The following NR2F1-AS1 variants were observed in gnomAD, a reference collection of about 807,000 sequenced individuals.
NR2F1-AS1 encodes NR2F1 antisense RNA 1.
At chr5:93,569,556 T>C (rs1752696029) in intron 1 of NR2F1-AS1, among the ~76,000 whole-genome samples, 1 of 152,186 alleles carries the variant, frequency 6.6e-6, no homozygotes, top group Non-Finnish European at 1.5e-5. Flanking sequence ...GTGAACCTAA[T>C]TGCTTCAAGC....
Position 93,444,484 on chromosome 5 carries a change from C to T in NR2F1-AS1, n.639-48942G>A, listed in dbSNP as rs148307918. 1.8e-3 allele frequency among the ~76,000 whole-genome samples: 275 copies of T among 152,258 alleles called. 1 individual carries two copies. The highest frequency in any genetic ancestry group is 5.5e-3 in the African/African-American group (227 of 41,552). ...TTATATAATTGTAAAGGGATCAATT[C>T]GACAAGAAGCGCTAACTATCCTAAA... On this transcript the variant is annotated intron_variant and non_coding_transcript_variant, in intron 4 of 5. Transcript: ENST00000660523.
intron 4 of NR2F1-AS1, among the ~76,000 whole-genome samples, chr5:93,448,073 T>G (rs1292076730): frequency 6.6e-6 from 1 of 151,996 alleles, no homozygotes; most frequent in Non-Finnish European, 1.5e-5. Context: ...GGGGGAGGGA[T>G]AGCATTAGGA....
chr5:93,455,611 T>C (rs1749927947), intron 4 of NR2F1-AS1, among the ~76,000 whole-genome samples: 1 of 151,926 alleles, frequency 6.6e-6, no homozygotes, highest in Non-Finnish European at 1.5e-5. Context: ...AAAGTGCAAA[T>C]AGATATACCA....
At chr5:93,551,681 T>C (rs1752233560) in intron 4 of NR2F1-AS1, among the ~76,000 whole-genome samples, 1 of 152,130 alleles carries the variant, frequency 6.6e-6, no homozygotes, top group Non-Finnish European at 1.5e-5. Context: ...AAGGGTCCTT[T>C]TCCAACTTTA....
At chr5:93,433,137 ATAGAC>A (rs1366245450) in intron 4 of NR2F1-AS1, among the ~76,000 whole-genome samples, 53 of 152,346 alleles carry the variant, frequency 3.5e-4, no homozygotes, top group Non-Finnish European at 7.1e-4. Flanking sequence ...CTCGTATCTT[ATAGAC>A]TAATTTCCCC....
intron 4 of NR2F1-AS1, among the ~76,000 whole-genome samples, chr5:93,417,388 A>C (rs1406561244): frequency 6.6e-6 from 1 of 152,262 alleles, no homozygotes; most frequent in Non-Finnish European, 1.5e-5. Context: ...AGGAAGGAAG[A>C]ACAGTGACCT....
intron 4 of NR2F1-AS1, among the ~76,000 whole-genome samples, chr5:93,544,557 C>T (rs1027840463): frequency 6.6e-6 from 1 of 152,066 alleles, no homozygotes; most frequent in African/African-American, 2.4e-5. Flanking sequence ...TATATGAAAT[C>T]CTAATCTTAA....
chr5:93,498,783 G>C (rs1438227606), intron 4 of NR2F1-AS1, among the ~76,000 whole-genome samples: 6 of 152,024 alleles, frequency 3.9e-5, no homozygotes, highest in Non-Finnish European at 5.9e-5. Context: ...CTGGATAAAG[G>C]CTCTTCAGAG....
intron 4 of NR2F1-AS1, among the ~76,000 whole-genome samples, chr5:93,492,107 A>G (rs1441026041): frequency 6.6e-6 from 1 of 152,214 alleles, no homozygotes; most frequent in East Asian, 1.9e-4. Flanking sequence ...CTGACAAGAA[A>G]GCAGAGATAT....
chr5:93,416,306 A>G (rs1200841476), intron 4 of NR2F1-AS1, among the ~76,000 whole-genome samples: 1 of 152,250 alleles, frequency 6.6e-6, no homozygotes, highest in Non-Finnish European at 1.5e-5. Flanking sequence ...TTCATTATGC[A>G]GTAATTTATG....
intron 4 of NR2F1-AS1, among the ~76,000 whole-genome samples, chr5:93,553,247 A>G (rs1275003088): frequency 6.6e-6 from 1 of 150,762 alleles, no homozygotes; most frequent in Non-Finnish European, 1.5e-5. Context: ...CTCGTGCCTC[A>G]GCTTCCCAAG....
At chr5:93,502,406 C>A (rs1219627847) in intron 4 of NR2F1-AS1, among the ~76,000 whole-genome samples, 1 of 151,934 alleles carries the variant, frequency 6.6e-6, no homozygotes, top group Admixed American at 6.6e-5. Flanking sequence ...AAAGAGGTAA[C>A]CCAAAGCCAA....
At chr5:93,493,096 T>C (rs1229425506) in intron 4 of NR2F1-AS1, among the ~76,000 whole-genome samples, 1 of 151,980 alleles carries the variant, frequency 6.6e-6, no homozygotes, top group Admixed American at 6.6e-5. Flanking sequence ...CCTTTAGAAG[T>C]ACAAATAAAT....
chr5:93,535,826 C>G (rs745613293), intron 4 of NR2F1-AS1, among the ~76,000 whole-genome samples: 1 of 152,106 alleles, frequency 6.6e-6, no homozygotes, highest in Non-Finnish European at 1.5e-5. Context: ...ATATACAAGA[C>G]ACTTAAACAC....
chr5:93,487,419 GT>G (rs1205201920), intron 4 of NR2F1-AS1, among the ~76,000 whole-genome samples: 4 of 152,124 alleles, frequency 2.6e-5, no homozygotes, highest in Admixed American at 2.6e-4. Context: ...CAAAATCAAT[GT>G]GCAAAAATCA....
At position 93,514,939 on chromosome 5, in the gene NR2F1-AS1, C is replaced by T. The variant is rs993684275; in HGVS notation, n.638+38822G>A. Reference sequence around the variant, plus strand: ...ATTTAAAGTGAAGTTAATGGGTTCCCTCTATAAGGTTAAATTTCAACAAAA... The same window carrying T: ...ATTTAAAGTGAAGTTAATGGGTTCCTTCTATAAGGTTAAATTTCAACAAAA... On this transcript the variant is annotated intron_variant and non_coding_transcript_variant, in intron 4 of 5. Transcript: ENST00000660523. Among the ~76,000 whole-genome samples, 3 of 151,980 alleles carry T rather than the reference C, an allele frequency of 2.0e-5. No individual in the cohort carries two copies. In the South Asian group the frequency reaches 6.2e-4, roughly 32 times the overall value.
chr5:93,546,767 G>A (rs575159510), intron 4 of NR2F1-AS1, among the ~76,000 whole-genome samples: 4 of 152,294 alleles, frequency 2.6e-5, no homozygotes, highest in Admixed American at 1.3e-4. Flanking sequence ...AATGGGGGAT[G>A]GGGGAGAATG....
chr5:93,534,949 A>G (rs1397172162), intron 4 of NR2F1-AS1, among the ~76,000 whole-genome samples: 1 of 152,218 alleles, frequency 6.6e-6, no homozygotes. Flanking sequence ...AAAGCCAAAA[A>G]CTATCTGTTT....
At chr5:93,491,751 T>C (rs1158194604) in intron 4 of NR2F1-AS1, among the ~76,000 whole-genome samples, 1 of 152,210 alleles carries the variant, frequency 6.6e-6, no homozygotes, top group Non-Finnish European at 1.5e-5. Flanking sequence ...CTCCTGGTTC[T>C]TGGGCCTTCA....
Sources: allele counts gnomAD v4.1 joint callset (sites outside exome capture counted in the v4.1 genomes callset), GRCh38; gene constraint gnomAD v4.1.1; transcripts MANE v1.5; gene names NCBI Gene and HGNC (gene_info 2026-07-23, HGNC 2026-07-21).